DNM3: variants seen among roughly 807,000 people sequenced by gnomAD.
DNM3 encodes dynamin-3.
Under a neutral mutation model 101.6 loss-of-function variants are expected in DNM3, and 47 were observed. That is an observed-to-expected ratio of 0.46 (90% confidence interval 0.37 to 0.59). The LOEUF is 0.59. DNM3 is among the 20% of genes least tolerant of loss of function. The pLI, the probability that DNM3 is intolerant of heterozygous loss-of-function variation, is 0.00. For synonymous variants in DNM3, 385 were observed against 387.9 expected (o/e 0.99, Z 0.09); for missense variants, 849 against 1,085.7 (o/e 0.78, Z 3.06).
intron 14 of DNM3, among the ~76,000 whole-genome samples, chr1:172,229,465 A>T (rs1044268163): frequency 1.4e-4 from 21 of 152,178 alleles, no homozygotes; most frequent in African/African-American, 5.1e-4. Context: ...AATGAACAGC[A>T]CACTCAGACA....
At chr1:172,324,778 A>T (rs1306450582) in intron 17 of DNM3, among the ~76,000 whole-genome samples, 1 of 152,196 alleles carries the variant, frequency 6.6e-6, no homozygotes, top group Non-Finnish European at 1.5e-5. Context: ...CTTGCATTGC[A>T]CTGAGTCTCT....
intron 1 of DNM3, among the ~76,000 whole-genome samples, chr1:171,888,260 T>C (rs2036954044): frequency 6.6e-6 from 1 of 152,244 alleles, no homozygotes; most frequent in South Asian, 2.1e-4. Context: ...CTCAAGGCTA[T>C]ACAGTTAAAG....
Position 172,182,836 on chromosome 1 carries a change from G to A in DNM3, c.1659+51548G>A, listed in dbSNP as rs368947913. On this transcript the variant is annotated intron_variant, in intron 14 of 20. Coordinates refer to ENST00000627582, the MANE Select transcript of DNM3 (RefSeq NM_015569.5). ...GCAGGAAGGCTTAAGGACCCCAATC[G>A]TCAGTTTTCCTGCAATTGGTGACTT... 1.6e-4 allele frequency among the ~76,000 whole-genome samples: 24 copies of A among 152,192 alleles called. No homozygotes were observed. The East Asian group carries it at 3.5e-3, about 22-fold the overall frequency.
intron 4 of DNM3, among the ~76,000 whole-genome samples, chr1:172,023,479 T>A (rs2047983211): frequency 6.6e-6 from 1 of 152,156 alleles, no homozygotes; most frequent in South Asian, 2.1e-4. Flanking sequence ...AAAACATTGC[T>A]CTATTGTTTT....
chr1:172,328,566 C>T (rs1194132392), intron 17 of DNM3, among the ~76,000 whole-genome samples: 1 of 152,118 alleles, frequency 6.6e-6, no homozygotes, highest in Non-Finnish European at 1.5e-5. Flanking sequence ...CAGGTTCTCA[C>T]TTGTAAGTGG....
At chr1:172,359,639 A>T (rs1405375335) in intron 17 of DNM3, among the ~76,000 whole-genome samples, 3 of 151,754 alleles carry the variant, frequency 2.0e-5, no homozygotes, top group Non-Finnish European at 4.4e-5. Context: ...AAAAAAAAAA[A>T]ACCTTAAGTA....
Position 172,092,809 on chromosome 1 carries a change from C to A in DNM3, c.1494-15C>A. The A allele has an allele frequency of 6.4e-7, 1 of 1,550,984 alleles. No individual in the cohort carries two copies. Among genetic ancestry groups the A allele is most frequent in the East Asian group, 2.4e-5 (1 of 41,414 alleles). On this transcript the variant is annotated splice_polypyrimidine_tract_variant and intron_variant, in intron 12 of 20. Coordinates refer to ENST00000627582, the MANE Select transcript of DNM3 (RefSeq NM_015569.5). ...TATGTGTCTCTTCAGTGCTGCTTTC[C>A]TTTGCTTTTCTCAGTGCTCAGCAGA...
chr1:171,971,101 A>C (rs1209462935), intron 2 of DNM3, among the ~76,000 whole-genome samples: 1 of 152,092 alleles, frequency 6.6e-6, no homozygotes, highest in Non-Finnish European at 1.5e-5. Context: ...ACACTTCTTC[A>C]TAAATGCTTT....
At chr1:171,851,723 C>CT (rs1478720159) in intron 1 of DNM3, among the ~76,000 whole-genome samples, 1 of 152,156 alleles carries the variant, frequency 6.6e-6, no homozygotes, top group Non-Finnish European at 1.5e-5. Flanking sequence ...CTGAACAGTG[C>CT]TTTTTAAACT....
chr1:172,281,234 T>C (rs1340678878), intron 15 of DNM3, among the ~76,000 whole-genome samples: 1 of 151,300 alleles, frequency 6.6e-6, no homozygotes, highest in African/African-American at 2.4e-5. Flanking sequence ...AAATACAGAG[T>C]GGATTGAAAG....
At chr1:172,096,761 C>T (rs1307687667) in intron 13 of DNM3, among the ~76,000 whole-genome samples, 1 of 152,146 alleles carries the variant, frequency 6.6e-6, no homozygotes, top group Non-Finnish European at 1.5e-5. Context: ...AGAACTCTTT[C>T]TTCCAAAGGT....
chr1:172,351,749 TA>T (rs952451336), intron 17 of DNM3, among the ~76,000 whole-genome samples: 33 of 152,314 alleles, frequency 2.2e-4, no homozygotes, highest in African/African-American at 7.5e-4. Flanking sequence ...AGAAAATATC[TA>T]AACAATTGTT....
intron 14 of DNM3, among the ~76,000 whole-genome samples, chr1:172,213,515 TA>T (rs2060583475): frequency 2.1e-5 from 1 of 46,786 alleles, no homozygotes; most frequent in African/African-American, 3.6e-4. Context: ...AATCCATTGT[TA>T]CAAAAAAAAA....
At chr1:172,010,080 A>C (rs1397958371) in intron 4 of DNM3, among the ~76,000 whole-genome samples, 1 of 151,858 alleles carries the variant, frequency 6.6e-6, no homozygotes, top group Admixed American at 6.6e-5. Context: ...TGTAATTATC[A>C]ATATCAGTTT....
intron 1 of DNM3, among the ~76,000 whole-genome samples, chr1:171,842,558 C>G (rs2031428971): frequency 6.6e-6 from 1 of 152,122 alleles, no homozygotes; most frequent in Non-Finnish European, 1.5e-5. Flanking sequence ...AGGGGGTGGA[C>G]GTGGACTTAT....
intron 13 of DNM3, among the ~76,000 whole-genome samples, chr1:172,117,550 C>G (rs1018998204): frequency 1.3e-5 from 2 of 152,138 alleles, no homozygotes; most frequent in Admixed American, 1.3e-4. Context: ...TAAGAAGTGC[C>G]TTTCATCTCC....
At chr1:172,307,948 C>G (rs190336733) in intron 15 of DNM3, among the ~76,000 whole-genome samples, 197 of 152,112 alleles carry the variant, frequency 1.3e-3, no homozygotes, top group Non-Finnish European at 2.1e-3. Flanking sequence ...TGCAGCAAAC[C>G]AACATGGCAT....
rs7525629 is a variant in DNM3 at position 172,236,276 on chromosome 1, A to T, written c.1660-17297A>T. Among the ~76,000 whole-genome samples, 1,037 of 152,238 alleles carry T rather than the reference A, an allele frequency of 6.8e-3. 22 individuals carry two copies. Among genetic ancestry groups the T allele is most frequent in the African/African-American group, 0.024 (981 of 41,566 alleles). On this transcript the variant is annotated intron_variant, in intron 14 of 20. Transcript: ENST00000627582. ...AGTGTTCTTTTAAATAAGACGTGCC[A>T]TGTCTCATGTCAAGGAAAACTTCCT...
intron 1 of DNM3, among the ~76,000 whole-genome samples, chr1:171,894,221 G>A (rs928169851): frequency 6.6e-6 from 1 of 152,098 alleles, no homozygotes; most frequent in South Asian, 2.1e-4. Flanking sequence ...GCCTCCCAAA[G>A]TGCTGGGATT....
Sources: allele counts gnomAD v4.1 joint callset (sites outside exome capture counted in the v4.1 genomes callset), GRCh38; gene constraint gnomAD v4.1.1; transcripts MANE v1.5; gene names NCBI Gene and HGNC (gene_info 2026-07-23, HGNC 2026-07-21).